Variants in LBHD1 observed in about 807,000 individuals in gnomAD.
LBHD1 encodes LBH domain-containing protein 1.
Under a neutral mutation model 31.1 loss-of-function variants are expected in LBHD1, and 28 were observed. The observed-to-expected ratio is 0.90, with a 90% CI of 0.67 to 1.24. The LOEUF is 1.24. Among genes scored for constraint, LBHD1 ranks in the 50% most tolerant of loss-of-function variants. LBHD1 has a pLI of 0.00. For missense variants in LBHD1, 350 were observed against 323.0 expected, an observed-to-expected ratio of 1.08 and a Z score of -0.64; for synonymous variants, 105 against 116.5, an observed-to-expected ratio of 0.90 and a Z score of 0.63.
Position 62,667,562 on chromosome 11 carries a change from C to T in LBHD1, c.499G>A (p.Val167Met), listed in dbSNP as rs200294500. 5 of 1,614,136 alleles carry T rather than the reference C, an allele frequency of 3.1e-6. No homozygotes were observed. Among genetic ancestry groups the T allele is most frequent in the South Asian group, 1.1e-5 (1 of 91,084 alleles). The change falls in exon 4 of 7, where the codon GTG becomes ATG. Residue 167 changes from valine (V) to methionine (M), a missense_variant. Val to Met is a conservative substitution (Grantham distance 21). Coordinates refer to ENST00000354588, the MANE Select transcript of LBHD1 (RefSeq NM_024099.5). ...TGSRVCRSGF[V>M]EYSHLLPPNS... ...GGAGGCAGGAGATGGGAATATTCCA[C>T]AAAGCCACTTCTACAAACACGGGAG...
At position 62,672,036 on chromosome 11, in the gene LBHD1, G is replaced by C. The variant is rs1944954990; in HGVS notation, c.-483C>G. 1 of 1,612,280 alleles carries C rather than the reference G, an allele frequency of 6.2e-7. No homozygotes were observed. The highest frequency in any genetic ancestry group is 8.5e-7 in the Non-Finnish European group (1 of 1,179,434). On this transcript the variant is annotated 5_prime_UTR_variant, in exon 1 of 7. Transcript: ENST00000354588. ...TGCTGGCCACTCTGCAGGAGGCAGCGACCACGCAGGAGAACGTGGCCTGGA... is the reference window on the plus strand; with the variant it reads ...TGCTGGCCACTCTGCAGGAGGCAGCCACCACGCAGGAGAACGTGGCCTGGA...
intron 5 of LBHD1, 90 bp from the exon 6 acceptor site, chr11:62,663,423 T>C (rs1944706681): frequency 7.3e-7 from 1 of 1,373,928 alleles, no homozygotes; most frequent in Non-Finnish European, 1.0e-6. Context: ...AAGTATTAAA[T>C]AGGCTGGGCG....
Position 62,663,009 on chromosome 11 carries a change from T to TG in LBHD1, c.*119dup. ...AGTCCTCTGAAACAACCACTGAGTC[T>TG]GAAGGCTGGCTCCAGTTGAGAATCT... On this transcript the variant is annotated 3_prime_UTR_variant, in exon 7 of 7. Coordinates refer to ENST00000354588, the MANE Select transcript of LBHD1 (RefSeq NM_024099.5). The TG allele has an allele frequency of 6.8e-7, 1 of 1,464,886 alleles. No individual in the cohort carries two copies. Among genetic ancestry groups the TG allele is most frequent in the Non-Finnish European group, 9.4e-7 (1 of 1,059,066 alleles). 90.7% of individuals were successfully genotyped at this position (1,464,886 alleles called of 1,614,324 possible). A position where few individuals can be genotyped will look rare whatever the true frequency, so the allele number is the denominator to read the frequency against.
chr11:62,665,282 T>C, intron 4 of LBHD1: 1 of 719,180 alleles, frequency 1.4e-6, no homozygotes, highest in Non-Finnish European at 2.4e-6. Context: ...GTCCTCGGGC[T>C]ATATAAAGGA....
Position 62,669,944 on chromosome 11 carries a change from G to A in LBHD1, c.88C>T (p.Leu30=). ...CCTCTGTCCCAGAGAGGGTTGGGCA[G>A]CCTGGGACTTTCTGGATGCTGGGAG... ...GSSQHPESPR[L]PNPLWDRGKI... Residue 30 remains leucine (L), a synonymous_variant, in exon 2 of 7, where the codon CTG becomes TTG. Coordinates refer to ENST00000354588, the MANE Select transcript of LBHD1 (RefSeq NM_024099.5). 6.2e-7 allele frequency: 1 copy of A among 1,614,168 alleles called. No homozygotes were observed.
intron 5 of LBHD1, 61 bp downstream of exon 5, chr11:62,664,788 T>C (rs1418528626): frequency 3.2e-6 from 5 of 1,539,618 alleles, no homozygotes; most frequent in African/African-American, 2.8e-5. Flanking sequence ...GCTCCGGAGC[T>C]CTGCAGGGAG....
Position 62,672,009 on chromosome 11 carries a change from A to G in LBHD1, c.-456T>C. 5.0e-6 allele frequency: 8 copies of G among 1,613,680 alleles called. No homozygotes were observed. The highest frequency in any genetic ancestry group is 6.8e-6 in the Non-Finnish European group (8 of 1,179,910). ...AGGAGGCGGCCAGGACCCAGCAGCT[A>G]TTGCTGGCCACTCTGCAGGAGGCAG... On this transcript the variant is annotated 5_prime_UTR_variant, in exon 1 of 7. Coordinates refer to ENST00000354588, the MANE Select transcript of LBHD1 (RefSeq NM_024099.5).
At chr11:62,666,209 G>A (rs1169110998) in intron 4 of LBHD1, 2 of 728,786 alleles carry the variant, frequency 2.7e-6, no homozygotes, top group Admixed American at 2.6e-5. Context: ...GCACGATGGC[G>A]CCTATAGTCC....
intron 4 of LBHD1, chr11:62,665,789 C>T: frequency 1.3e-6 from 2 of 1,551,154 alleles, no homozygotes; most frequent in Non-Finnish European, 8.7e-7. Flanking sequence ...GCGGAATTTG[C>T]AGATCTTCCC....
chr11:62,670,121 T>C, intron 1 of LBHD1, 80 bp from the exon 2 acceptor site: 1 of 1,435,066 alleles, frequency 7.0e-7, no homozygotes, highest in South Asian at 1.4e-5. Context: ...TAATCTTCTT[T>C]GGAGCCTGGC....
At position 62,669,634 on chromosome 11, in the gene LBHD1, C is replaced by T. The variant is rs776465744; in HGVS notation, c.313+7G>A. ...CAGTGGCCCCCTGAATGAGCCACCT[C>T]CCTCACCTGGCTCTTCACTTTGGTC... On this transcript the variant is annotated splice_region_variant and intron_variant, in intron 3 of 6. Transcript: ENST00000354588. 8.1e-6 allele frequency: 13 copies of T among 1,609,846 alleles called. No individual in the cohort carries two copies. The African/African-American group carries it at 1.7e-4, about 22-fold the overall frequency.
At chr11:62,667,837 TCA>T in intron 3 of LBHD1, 90 bp from the exon 4 acceptor site, 3 of 932,032 alleles carry the variant, frequency 3.2e-6, no homozygotes, top group East Asian at 4.8e-5. Context: ...ATACCTATAA[TCA>T]CAGCACTTTG....
chr11:62,666,236 T>C lies in LBHD1; in HGVS notation c.539-1263A>G, dbSNP rs778768443. On this transcript the variant is annotated intron_variant, in intron 4 of 6. Coordinates refer to ENST00000354588, the MANE Select transcript of LBHD1 (RefSeq NM_024099.5). Reference sequence around the variant, plus strand: ...CTATAGTCCTAGCTACTCAGGAGGCTGAGGTGGAGGCTTCAGTGAGCCATC... The same window carrying C: ...CTATAGTCCTAGCTACTCAGGAGGCCGAGGTGGAGGCTTCAGTGAGCCATC... 28 of 802,206 alleles carry C rather than the reference T, an allele frequency of 3.5e-5. No homozygotes were observed. In the African/African-American group the frequency reaches 4.2e-4, roughly 12 times the overall value. The allele number at this position is 802,206 out of a possible 1,614,324, so 49.7% of individuals were successfully genotyped here.
intron 1 of LBHD1, chr11:62,670,350 C>A: frequency 2.8e-6 from 1 of 351,378 alleles, no homozygotes; most frequent in Non-Finnish European, 5.1e-6. Flanking sequence ...TTTTTCCCAA[C>A]CTGGTATGTT....
At chr11:62,669,473 A>T (rs1436911008) in intron 3 of LBHD1, 168 bp downstream of exon 3, 1 of 983,870 alleles carries the variant, frequency 1.0e-6, no homozygotes, top group African/African-American at 1.8e-5. Flanking sequence ...TGCTCTCTAC[A>T]ATTCATCAAC....
At chr11:62,667,137 GT>G in intron 4 of LBHD1, 1 of 1,388,672 alleles carries the variant, frequency 7.2e-7, no homozygotes, top group East Asian at 2.3e-5. Flanking sequence ...TGGCTGCAAA[GT>G]GAGAATTTGA....
chr11:62,666,262 A>T (rs1431127915), intron 4 of LBHD1: 1 of 907,226 alleles, frequency 1.1e-6, no homozygotes, highest in South Asian at 1.4e-5. Flanking sequence ...GTGAGCCATC[A>T]TTGTGCTACT....
At chr11:62,667,332 A>G (rs2134635849) in intron 4 of LBHD1, 191 bp downstream of exon 4, 4 of 664,046 alleles carry the variant, frequency 6.0e-6, no homozygotes, top group Middle Eastern at 3.7e-4. Flanking sequence ...CCCAGTTTCA[A>G]CTAACTGGAG....
intron 1 of LBHD1, chr11:62,671,213 T>C (rs1181299253): frequency 1.3e-5 from 6 of 456,396 alleles, no homozygotes; most frequent in Non-Finnish European, 2.6e-5. Flanking sequence ...GTTTGTAAAA[T>C]AAATGTTAAA....
Sources: gnomAD v4.1 joint callset for allele counts on GRCh38, gnomAD v4.1.1 for gene constraint, MANE v1.5 for transcripts, NCBI Gene and HGNC (gene_info 2026-07-23, HGNC 2026-07-21) for gene names.